The following ADGRG6 variants were observed in gnomAD, a reference collection of about 807,000 sequenced individuals.
ADGRG6 encodes the protein G-protein coupled receptor 126.
A neutral mutation model predicts 142.4 loss-of-function variants in ADGRG6; 84 were observed. The ratio of observed to expected loss-of-function variants is 0.59; its 90% CI spans 0.49 to 0.71. The LOEUF is 0.71. Ranked by LOEUF, ADGRG6 falls within the 30% of genes least tolerant of loss-of-function variation. ADGRG6 has a pLI of 0.00. For missense variants in ADGRG6, 1,367 were observed against 1,466.6 expected, an observed-to-expected ratio of 0.93 and a Z score of 1.11; for synonymous variants, 521 against 520.5, an observed-to-expected ratio of 1.00 and a Z score of -0.01.
At chr6:142,416,191 G>A in intron 20 of ADGRG6, 127 bp downstream of exon 20, 2 of 666,778 alleles carry the variant, frequency 3.0e-6, no homozygotes, top group Non-Finnish European at 5.1e-6. Context: ...TGAATGGCAT[G>A]GATTAGATAT....
At chr6:142,360,096 C>A (rs1780643610) in intron 2 of ADGRG6, among the ~76,000 whole-genome samples, 2 of 152,208 alleles carry the variant, frequency 1.3e-5, no homozygotes, top group Admixed American at 6.5e-5. Context: ...AATGTCATAG[C>A]CCTTGGCAAA....
chr6:142,390,127 T>C (rs1224683333), intron 6 of ADGRG6, 131 bp from the exon 7 acceptor site: 1 of 378,188 alleles, frequency 2.6e-6, no homozygotes, highest in Non-Finnish European at 4.8e-6. Flanking sequence ...TTAACTTATA[T>C]TGTAAATTAT....
In ADGRG6 at chr6:142,353,164, G is replaced by T. The variant is rs117366337; in HGVS notation, c.104-14405G>T. Among the ~76,000 whole-genome samples the T allele has an allele frequency of 8.6e-3, 1,314 of 152,220 alleles. 22 individuals carry two copies. The highest frequency in any genetic ancestry group is 0.013 in the Non-Finnish European group (900 of 68,014). On this transcript the variant is annotated intron_variant, in intron 2 of 24. Transcript: ENST00000367609. Reference sequence around the variant, plus strand: ...GGATAATCCCCAAAGAATCAAAGAGGAAACAGATAGCTAAAGGCTCCCACC... The same window carrying T: ...GGATAATCCCCAAAGAATCAAAGAGTAAACAGATAGCTAAAGGCTCCCACC...
At chr6:142,307,193 A>G (rs1050774696) in intron 1 of ADGRG6, among the ~76,000 whole-genome samples, 1 of 152,168 alleles carries the variant, frequency 6.6e-6, no homozygotes, top group African/African-American at 2.4e-5. Flanking sequence ...GAAAGCTATT[A>G]TTCACACATT....
Position 142,406,251 on chromosome 6 carries a change from C to T in ADGRG6, c.2268+423C>T, listed in dbSNP as rs539697541. 1.0e-4 allele frequency among the ~76,000 whole-genome samples: 15 copies of T among 149,288 alleles called. No individual in the cohort carries two copies. The East Asian group carries it at 3.0e-3, about 29-fold the overall frequency. On this transcript the variant is annotated intron_variant, in intron 15 of 24. Transcript: ENST00000367609. ...TTTACATAATGAGCAGCATTCTTGG[C>T]TTTAATCAGTTTTCCCATTAGTATT...
intron 18 of ADGRG6, among the ~76,000 whole-genome samples, chr6:142,414,371 AC>A (rs1400941320): frequency 6.6e-6 from 1 of 152,122 alleles, no homozygotes; most frequent in African/African-American, 2.4e-5. Context: ...AAAGTCTATG[AC>A]CCCCAAAAGT....
intron 2 of ADGRG6, among the ~76,000 whole-genome samples, chr6:142,317,828 A>ATATATTAAT (rs1645255229): frequency 1.2e-5 from 1 of 86,568 alleles, no homozygotes; most frequent in African/African-American, 4.9e-5. Context: ...ATTAATTTAT[A>ATATATTAAT]TTATATATAT....
intron 15 of ADGRG6, among the ~76,000 whole-genome samples, chr6:142,406,137 T>C (rs1775792618): frequency 6.6e-6 from 1 of 152,028 alleles, no homozygotes; most frequent in African/African-American, 2.4e-5. Context: ...TATTTTATGC[T>C]CTCCAATCAT....
chr6:142,408,541 C>T (rs1775929883), intron 16 of ADGRG6, among the ~76,000 whole-genome samples: 1 of 152,066 alleles, frequency 6.6e-6, no homozygotes, highest in East Asian at 1.9e-4. Context: ...ACATATATTG[C>T]TTCAGATAAA....
rs544710746 is a variant in ADGRG6, at chr6:142,346,338, C to G, written c.104-21231C>G. Among the ~76,000 whole-genome samples, 57 of 152,264 alleles carry G rather than the reference C, an allele frequency of 3.7e-4. 1 individual carries two copies. Among genetic ancestry groups the G allele is most frequent in the Admixed American group, 3.7e-3 (56 of 15,272 alleles). ...TGTTTCCTAACTTTTTAATGATTGC[C>G]ATTCTAACTTGCGTGAGATGTTATC... On this transcript the variant is annotated intron_variant, in intron 2 of 24. Transcript: ENST00000367609.
intron 22 of ADGRG6, among the ~76,000 whole-genome samples, chr6:142,428,777 G>A (rs149105872): frequency 5.3e-4 from 80 of 152,166 alleles, no homozygotes; most frequent in African/African-American, 1.2e-3. Context: ...AGTTCCCTCC[G>A]TTGACATTTG....
intron 16 of ADGRG6, 61 bp downstream of exon 16, chr6:142,408,330 C>T (rs1849250142): frequency 1.5e-6 from 2 of 1,290,896 alleles, no homozygotes; most frequent in Non-Finnish European, 2.1e-6. Context: ...ACTAGTGGGG[C>T]CTTTTTTTCT....
At chr6:142,418,696 G>C (rs1759166606) in intron 21 of ADGRG6, among the ~76,000 whole-genome samples, 1 of 152,116 alleles carries the variant, frequency 6.6e-6, no homozygotes, top group Non-Finnish European at 1.5e-5. Flanking sequence ...AATCATGTTA[G>C]TTTCTAGAAT....
intron 4 of ADGRG6, among the ~76,000 whole-genome samples, chr6:142,379,515 C>T (rs1781655950): frequency 6.6e-6 from 1 of 152,184 alleles, no homozygotes; most frequent in Non-Finnish European, 1.5e-5. Flanking sequence ...CGCCTGTAAT[C>T]CCAGCGCTTT....
At chr6:142,394,137 T>G (rs1040931842) in intron 9 of ADGRG6, among the ~76,000 whole-genome samples, 179 bp downstream of exon 9, 1 of 152,188 alleles carries the variant, frequency 6.6e-6, no homozygotes, top group Admixed American at 6.5e-5. Context: ...TGTAACAGAC[T>G]GGGTAGTAAT....
rs778010583 is a variant in ADGRG6 at position 142,415,787 on chromosome 6, A to G, written c.2670-9A>G. On this transcript the variant is annotated splice_polypyrimidine_tract_variant and intron_variant, in intron 19 of 24. Coordinates refer to ENST00000367609, the MANE Select transcript of ADGRG6 (RefSeq NM_198569.3). ...AGTTCTCTCATAGATTCCTTTTTTC[A>G]TTTTTTAGGAAATTGCGAAGGGATT... 9 of 1,595,794 alleles carry G rather than the reference A, an allele frequency of 5.6e-6. No individual in the cohort carries two copies. The South Asian group carries it at 1.0e-4, about 18-fold the overall frequency.
At chr6:142,439,825 T>G (rs2294771) in intron 24 of ADGRG6, among the ~76,000 whole-genome samples, 59,363 of 151,982 alleles carry the variant, frequency 0.39, 13,033 homozygotes, top group African/African-American at 0.6. Context: ...CCTGTGTAAA[T>G]AAATTGATAA....
Position 142,382,543 on chromosome 6 carries a change from A to G in ADGRG6, c.1138+524A>G, listed in dbSNP as rs141653493. On this transcript the variant is annotated intron_variant, in intron 5 of 24. Transcript: ENST00000367609. ...TGTGTTAATTATTACGATGCTTACT[A>G]TATCGTGGTCAGTATTTCAGTTACA... 2.8e-3 allele frequency among the ~76,000 whole-genome samples: 431 copies of G among 152,304 alleles called. 2 individuals are homozygous for G. Among genetic ancestry groups the G allele is most frequent in the African/African-American group, 9.6e-3 (401 of 41,574 alleles).
chr6:142,344,961 A>G (rs968974673), intron 2 of ADGRG6, among the ~76,000 whole-genome samples: 5 of 152,114 alleles, frequency 3.3e-5, no homozygotes, highest in Non-Finnish European at 4.4e-5. Flanking sequence ...AGTACTTCCA[A>G]ATACTGAGGC....
Sources: allele counts gnomAD v4.1 joint callset (sites outside exome capture counted in the v4.1 genomes callset), GRCh38; gene constraint gnomAD v4.1.1; transcripts MANE v1.5; gene names NCBI Gene and HGNC (gene_info 2026-07-23, HGNC 2026-07-21).